The following B3GALT1 variants were observed in gnomAD, a reference collection of about 807,000 sequenced individuals.
B3GALT1 encodes UDP-Gal:betaGlcNAc beta 1,3-galactosyltransferase, polypeptide 1.
A neutral mutation model predicts 23.2 loss-of-function variants in B3GALT1; 10 were observed. The ratio of observed to expected loss-of-function variants is 0.43; its 90% confidence interval spans 0.27 to 0.73. The LOEUF (loss-of-function observed/expected upper bound fraction) is 0.73, where lower values mean the gene tolerates loss of function less well. B3GALT1 is among the 30% of genes least tolerant of loss of function. The pLI, the probability that B3GALT1 is intolerant of heterozygous loss-of-function variation, is 0.21. For synonymous variants in B3GALT1, 156 were observed against 141.5 expected (o/e 1.10, Z -0.73); for missense variants, 299 against 405.4 (o/e 0.74, Z 2.25).
intron 1 of B3GALT1, among the ~76,000 whole-genome samples, chr2:167,372,137 A>G (rs1276428330): frequency 6.6e-6 from 1 of 151,974 alleles, no homozygotes; most frequent in Non-Finnish European, 1.5e-5. Flanking sequence ...AAAGGGTAAA[A>G]TACCATGGTT....
intron 2 of B3GALT1, among the ~76,000 whole-genome samples, chr2:167,521,791 T>C (rs1700191072): frequency 3.9e-5 from 6 of 151,944 alleles, no homozygotes; most frequent in Admixed American, 3.3e-4. Context: ...TCCTAGAACT[T>C]GCTTTGTATA....
intron 2 of B3GALT1, among the ~76,000 whole-genome samples, chr2:167,536,767 C>A (rs747551779): frequency 5.9e-5 from 9 of 152,132 alleles, no homozygotes; most frequent in Non-Finnish European, 8.8e-5. Context: ...CCAGGCCCCT[C>A]CACTCTGCTG....
chr2:167,318,125 A>C (rs903989446), intron 1 of B3GALT1, among the ~76,000 whole-genome samples: 3 of 152,022 alleles, frequency 2.0e-5, no homozygotes, highest in Non-Finnish European at 4.4e-5. Context: ...CAGGAGTTTC[A>C]AGACCAGCCT....
chr2:167,439,644 G>A (rs1698845833), intron 1 of B3GALT1, among the ~76,000 whole-genome samples: 1 of 152,016 alleles, frequency 6.6e-6, no homozygotes. Flanking sequence ...ATGCTGGTGT[G>A]CTGCTTATTT....
chr2:167,575,731 A>G (rs1264426859), intron 2 of B3GALT1, among the ~76,000 whole-genome samples: 2 of 151,838 alleles, frequency 1.3e-5, no homozygotes, highest in East Asian at 1.9e-4. Context: ...TACGTAGGCA[A>G]TCTGTAGGCT....
intron 4 of B3GALT1, among the ~76,000 whole-genome samples, chr2:167,864,749 C>G (rs1275447488): frequency 1.3e-5 from 2 of 152,110 alleles, no homozygotes; most frequent in African/African-American, 4.8e-5. Flanking sequence ...CTGAATGTTT[C>G]TGAGTTTCCA....
intron 2 of B3GALT1, among the ~76,000 whole-genome samples, chr2:167,521,441 T>A (rs1279418656): frequency 6.6e-6 from 1 of 152,176 alleles, no homozygotes; most frequent in East Asian, 1.9e-4. Flanking sequence ...AATGGCTGTA[T>A]AATCTTCCAC....
intron 1 of B3GALT1, among the ~76,000 whole-genome samples, chr2:167,471,982 C>T (rs1266752115): frequency 1.3e-5 from 2 of 152,152 alleles, no homozygotes; most frequent in South Asian, 4.1e-4. Flanking sequence ...CACAAAAGCT[C>T]ACATTTCTTA....
At chr2:167,375,065 A>G (rs1697742016) in intron 1 of B3GALT1, among the ~76,000 whole-genome samples, 1 of 152,118 alleles carries the variant, frequency 6.6e-6, no homozygotes, top group African/African-American at 2.4e-5. Flanking sequence ...CTTGCCAGCT[A>G]TCCCAGCTCC....
At chr2:167,350,504 C>G (rs983913678) in intron 1 of B3GALT1, among the ~76,000 whole-genome samples, 1 of 152,172 alleles carries the variant, frequency 6.6e-6, no homozygotes, top group Non-Finnish European at 1.5e-5. Flanking sequence ...TTGTGCTCAG[C>G]GTGGATGTGT....
rs1404246944 is a variant in B3GALT1 at position 167,703,990 on chromosome 2, G to A, written c.-352+57024G>A. On this transcript the variant is annotated intron_variant, in intron 3 of 4. Transcript: ENST00000392690. Reference sequence around the variant, plus strand: ...AGGTCAGGAGATCAAGACCTTCCTGGCTAACACGGTGAAACCCCGTCTCTA... The same window carrying A: ...AGGTCAGGAGATCAAGACCTTCCTGACTAACACGGTGAAACCCCGTCTCTA... Among the ~76,000 whole-genome samples, 12 of 152,026 alleles carry A rather than the reference G, an allele frequency of 7.9e-5. 1 individual carries two copies. The highest frequency in any genetic ancestry group is 6.2e-4 in the South Asian group (3 of 4,810).
intron 4 of B3GALT1, among the ~76,000 whole-genome samples, chr2:167,819,613 T>C (rs1169476185): frequency 6.6e-6 from 1 of 152,206 alleles, no homozygotes; most frequent in Admixed American, 6.5e-5. Context: ...TTACTTAACC[T>C]TTCTAAACTA....
At position 167,426,289 on chromosome 2, in the gene B3GALT1, T is replaced by G. The variant is rs893076187; in HGVS notation, c.-510-63888T>G. On this transcript the variant is annotated intron_variant, in intron 1 of 4. Transcript: ENST00000392690. ...TTGTTTATCATTCTTTTTTTTTTTTTTTTGAGATGGAGTCTTGCTCTGTCG... is the reference window on the plus strand; with the variant it reads ...TTGTTTATCATTCTTTTTTTTTTTTGTTTGAGATGGAGTCTTGCTCTGTCG... Among the ~76,000 whole-genome samples the G allele has an allele frequency of 1.5e-3, 234 of 151,812 alleles. 1 individual carries two copies. Among genetic ancestry groups the G allele is most frequent in the African/African-American group, 5.5e-3 (229 of 41,382 alleles).
intron 2 of B3GALT1, among the ~76,000 whole-genome samples, chr2:167,552,484 A>G (rs957077701): frequency 7.2e-5 from 11 of 152,216 alleles, no homozygotes; most frequent in African/African-American, 2.4e-4. Flanking sequence ...AATAAAGTAG[A>G]TAAGTAGTAA....
chr2:167,634,215 T>C (rs1253599315), intron 2 of B3GALT1, among the ~76,000 whole-genome samples: 3 of 151,866 alleles, frequency 2.0e-5, no homozygotes, highest in African/African-American at 7.3e-5. Flanking sequence ...TAGAGGGAAG[T>C]TTATATCACT....
intron 1 of B3GALT1, among the ~76,000 whole-genome samples, chr2:167,383,119 T>A (rs1697867349): frequency 1.3e-5 from 2 of 152,114 alleles, no homozygotes; most frequent in Admixed American, 6.6e-5. Context: ...ATCCCATAAA[T>A]ATATTTAATT....
intron 1 of B3GALT1, among the ~76,000 whole-genome samples, chr2:167,376,923 G>T (rs1175830876): frequency 6.6e-6 from 1 of 152,076 alleles, no homozygotes; most frequent in East Asian, 1.9e-4. Flanking sequence ...CCCTCTAGAT[G>T]TGATGATAGA....
intron 3 of B3GALT1, among the ~76,000 whole-genome samples, chr2:167,754,754 T>C (rs978072858): frequency 1.3e-5 from 2 of 152,206 alleles, no homozygotes; most frequent in African/African-American, 4.8e-5. Flanking sequence ...CACTCTCTGC[T>C]TCTCAGAAAT....
intron 2 of B3GALT1, among the ~76,000 whole-genome samples, chr2:167,583,190 CTATTGCTG>C (rs1191815886): frequency 6.6e-6 from 1 of 152,218 alleles, no homozygotes; most frequent in African/African-American, 2.4e-5. Flanking sequence ...TTCTACCACC[CTATTGCTG>C]TATTGCTGTA....
Sources: gnomAD v4.1 joint callset for allele counts (sites outside exome capture counted in the v4.1 genomes callset) on GRCh38, gnomAD v4.1.1 for gene constraint, MANE v1.5 for transcripts, NCBI Gene and HGNC (gene_info 2026-07-23, HGNC 2026-07-21) for gene names.